Variants in JAK3 observed in about 807,000 individuals in gnomAD.
JAK3 encodes Janus kinase 3, also known as tyrosine-protein kinase JAK3.
JAK3 carries 88 observed loss-of-function variants against 120.8 expected under a neutral mutation model. That is an observed-to-expected ratio of 0.73 (90% confidence interval 0.61 to 0.87). The LOEUF is 0.87. Among genes scored for constraint, JAK3 ranks in the 40% least tolerant of loss-of-function variants. The pLI, the probability that JAK3 is intolerant of heterozygous loss-of-function variation, is 0.00. For synonymous variants in JAK3, 592 were observed against 628.6 expected, an observed-to-expected ratio of 0.94 and a Z score of 0.87; for missense variants, 1,254 against 1,501.4, an observed-to-expected ratio of 0.84 and a Z score of 2.72.
chr19:17,836,647 A>T, intron 13 of JAK3: 1 of 400,284 alleles, frequency 2.5e-6, no homozygotes, highest in South Asian at 2.6e-5. Flanking sequence ...CCTAATCCAC[A>T]CTTGTCCTTA....
Position 17,842,623 on chromosome 19 carries a change from G to A in JAK3, c.567-13C>T, listed in dbSNP as rs1276328553. On this transcript the variant is annotated splice_polypyrimidine_tract_variant and intron_variant, in intron 5 of 23. Transcript: ENST00000458235. The surrounding 1 kb of genome is among the most constrained non-coding windows in gnomAD (Gnocchi z 6.4). ...GCAGGCCTTGTAGCTGCAGGGGTTG[G>A]AGGGGAGGGAGCCGGCCCTCAGCGT... The A allele has an allele frequency of 6.4e-7, 1 of 1,553,034 alleles. No homozygotes were observed. The highest frequency in any genetic ancestry group is 2.3e-5 in the East Asian group (1 of 42,614).
chr19:17,845,751 GA>G (rs962270056), intron 1 of JAK3, among the ~76,000 whole-genome samples: 4 of 151,730 alleles, frequency 2.6e-5, no homozygotes, highest in Admixed American at 1.3e-4. Flanking sequence ...CTTATCTCTA[GA>G]AAAAAAACAC....
chr19:17,834,581 G>A lies in JAK3; in HGVS notation c.2340C>T (p.Leu780=), dbSNP rs201062516. The change falls in exon 17 of 24, where the codon CTC becomes CTT. Residue 780 remains leucine, a synonymous_variant. Transcript: ENST00000458235. ...FRAVIRDLNS[L]ISSDYELLSD... is the part of the protein sequence containing the mutation. The stretch of plus-strand genomic sequence containing the variant: ...CGTCCCAGCGGGCACCTGAAGAGAT[G>A]AGGCTATTGAGGTCACGAATGACGG... 5 of 1,352,820 alleles carry A rather than the reference G, an allele frequency of 3.7e-6. No individual in the cohort carries two copies. Among genetic ancestry groups the A allele is most frequent in the Non-Finnish European group, 5.1e-6 (5 of 978,988 alleles). The allele number at this position is 1,352,820 out of a possible 1,614,324, so 83.8% of individuals were successfully genotyped here.
chr19:17,841,755 T>A lies in JAK3; in HGVS notation c.869A>T (p.Gln290Leu). Residue 290 changes from glutamine (Q) to leucine (L), a missense_variant, in exon 7 of 24, where the codon CAG (glutamine) becomes CTG (leucine). Gln to Leu is a moderately radical substitution (Grantham distance 113). This residue lies in a region of JAK3 where 486 missense variants were observed against 503.0 expected (regional missense o/e 0.97). Coordinates refer to ENST00000458235, the MANE Select transcript of JAK3 (RefSeq NM_000215.4). This position sits in a 1 kb window ranked among gnomAD's most constrained non-coding sequence, Gnocchi z 4.1. Reference sequence around the variant, plus strand: ...GATTTCTGGAAAGTCGCAGAAGGGCTGGAGGACCTGGGAAGGAGGGGGAGT... The same window carrying A: ...GATTTCTGGAAAGTCGCAGAAGGGCAGGAGGACCTGGGAAGGAGGGGGAGT... ...AWTQGEQEVL[Q>L]PFCDFPEIVD... is the part of the protein sequence containing the mutation. The A allele has an allele frequency of 1.2e-6, 2 of 1,605,798 alleles. No individual in the cohort carries two copies. The highest frequency in any genetic ancestry group is 1.7e-6 in the Non-Finnish European group (2 of 1,179,888).
At chr19:17,827,886 G>A (rs1040633894) in intron 23 of JAK3, among the ~76,000 whole-genome samples, 26 of 144,590 alleles carry the variant, frequency 1.8e-4, no homozygotes, top group African/African-American at 6.7e-4. Flanking sequence ...TGGCCAACAA[G>A]AGCAAAACCA....
Position 17,826,570 on chromosome 19 carries a change from A to T in JAK3, c.*173T>A, listed in dbSNP as rs2094204265. ...TGTCTTGAACCTTAACAAATTGCAA[A>T]GGCCACAGGCTATTCTACAGGCCAC... On this transcript the variant is annotated 3_prime_UTR_variant, in exon 24 of 24. Transcript: ENST00000458235. 1.4e-6 allele frequency: 1 copy of T among 711,782 alleles called. No individual in the cohort carries two copies. Among genetic ancestry groups the T allele is most frequent in the Middle Eastern group, 3.4e-4 (1 of 2,918 alleles). 44.1% of individuals were successfully genotyped at this position (711,782 alleles called of 1,614,324 possible). A position where few individuals can be genotyped will look rare whatever the true frequency, so the allele number is the denominator to read the frequency against.
rs373917722 is a variant in JAK3 at position 17,825,705 on chromosome 19, T to C, written c.*1038A>G. On this transcript the variant is annotated 3_prime_UTR_variant, in exon 24 of 24. Coordinates refer to ENST00000458235, the MANE Select transcript of JAK3 (RefSeq NM_000215.4). Reference sequence around the variant, plus strand: ...TCACGAGGTCAGGAGATGGAAACCATCCTGGCTAACAAGGTGAAACCCCGT... The same window carrying C: ...TCACGAGGTCAGGAGATGGAAACCACCCTGGCTAACAAGGTGAAACCCCGT... The C allele has an allele frequency of 1.4e-3, 241 of 167,184 alleles. 4 individuals are homozygous for C. In the East Asian group the frequency reaches 0.022, roughly 15 times the overall value. The allele number at this position is 167,184 out of a possible 1,614,324, so 10.4% of individuals were successfully genotyped here. A position where few individuals can be genotyped will look rare whatever the true frequency, so the allele number is the denominator to read the frequency against.
rs1310660031 is a variant in JAK3 at position 17,825,621 on chromosome 19, G to T, written c.*1122C>A. ...ATCATACATTTAAAGCTACATGAGG[G>T]CCGGGCGCAGTGGCTCATGCCTGTA... is the stretch of plus-strand genomic sequence containing the variant. On this transcript the variant is annotated 3_prime_UTR_variant, in exon 24 of 24. Coordinates refer to ENST00000458235, the MANE Select transcript of JAK3 (RefSeq NM_000215.4). 1 of 181,790 alleles carries T rather than the reference G, an allele frequency of 5.5e-6. No homozygotes were observed. The highest frequency in any genetic ancestry group is 2.0e-4 in the South Asian group (1 of 5,050). The allele number at this position is 181,790 out of a possible 1,614,324, so 11.3% of individuals were successfully genotyped here. A position where few individuals can be genotyped will look rare whatever the true frequency, so the allele number is the denominator to read the frequency against.
intron 23 of JAK3, among the ~76,000 whole-genome samples, chr19:17,829,444 C>T (rs1371425010): frequency 6.6e-6 from 1 of 151,992 alleles, no homozygotes. Context: ...CAGGTGTGAG[C>T]CACCACACCT....
At position 17,841,190 on chromosome 19, in the gene JAK3, G is replaced by A. The variant is rs1034437731; in HGVS notation, c.1142+199C>T. On this transcript the variant is annotated intron_variant, in intron 8 of 23. Transcript: ENST00000458235. The surrounding 1 kb of genome is among the most constrained non-coding windows in gnomAD (Gnocchi z 4.1). ...TCCATCTCCAGGAAATGGCCCTGGG[G>A]TCAGAGAGAGAGAGAGTAGTGGTCG... 1.3e-5 allele frequency among the ~76,000 whole-genome samples: 2 copies of A among 152,168 alleles called. No homozygotes were observed. The highest frequency in any genetic ancestry group is 2.9e-5 in the Non-Finnish European group (2 of 68,032).
Position 17,831,794 on chromosome 19 carries a change from G to A in JAK3, c.2685C>T (p.Arg895=), listed in dbSNP as rs2147677156. 2 of 1,612,782 alleles carry A rather than the reference G, an allele frequency of 1.2e-6. No homozygotes were observed. The highest frequency in any genetic ancestry group is 1.7e-6 in the Non-Finnish European group (2 of 1,179,852). The change falls in exon 20 of 24, where the codon CGC becomes CGT. Residue 895 remains arginine (R), a synonymous_variant. Coordinates refer to ENST00000458235, the MANE Select transcript of JAK3 (RefSeq NM_000215.4). This position sits in a 1 kb window ranked among gnomAD's most constrained non-coding sequence, Gnocchi z 5.1. ...ACTCCATGACCAGCCGCAGGCTCTG[G>A]CGGCCTGGAGAAGGCAGGATCTGTC... is the stretch of plus-strand genomic sequence containing the variant. ...KYRGVSYGPG[R]QSLRLVMEYL...
At chr19:17,834,200 T>G (rs2094219643) in intron 17 of JAK3, among the ~76,000 whole-genome samples, 1 of 151,902 alleles carries the variant, frequency 6.6e-6, no homozygotes, top group South Asian at 2.1e-4. Flanking sequence ...ATACAAAAAT[T>G]AGCTGGGCGT....
chr19:17,834,998 T>C lies in JAK3; in HGVS notation c.2053A>G (p.Thr685Ala). The change falls in exon 16 of 24, where the codon ACC becomes GCC. Residue 685 changes from threonine to alanine, a missense_variant. By Grantham distance (58) the Thr-to-Ala change is moderately conservative. This residue lies in a region of JAK3 where 630 missense variants were observed against 819.8 expected (regional missense o/e 0.77). Coordinates refer to ENST00000458235, the MANE Select transcript of JAK3 (RefSeq NM_000215.4). ...SPAVLSLEMLTDRIPWVAPEC... is the reference protein window; with the variant it reads ...SPAVLSLEMLADRIPWVAPEC... The stretch of plus-strand genomic sequence containing the variant: ...GGGGCCACCCAGGGGATCCTGTCGG[T>C]GAGCACTGAGGGAATGAAAGTGGGA... 6.2e-7 allele frequency: 1 copy of C among 1,614,084 alleles called. No individual in the cohort carries two copies. Among genetic ancestry groups the C allele is most frequent in the South Asian group, 1.1e-5 (1 of 91,080 alleles).
Position 17,826,339 on chromosome 19 carries a change from C to T in JAK3, c.*404G>A, listed in dbSNP as rs200207634. 177 of 223,340 alleles carry T rather than the reference C, an allele frequency of 7.9e-4. No individual in the cohort carries two copies. The highest frequency in any genetic ancestry group is 3.6e-3 in the African/African-American group (158 of 43,826). 13.8% of individuals were successfully genotyped at this position (223,340 alleles called of 1,614,324 possible). A position where few individuals can be genotyped will look rare whatever the true frequency, so the allele number is the denominator to read the frequency against. Reference sequence around the variant, plus strand: ...AGCAGAGGTTGCACTGAGCCGAGATCGCACCACTGCACTCCACCCTGGGTA... The same window carrying T: ...AGCAGAGGTTGCACTGAGCCGAGATTGCACCACTGCACTCCACCCTGGGTA... On this transcript the variant is annotated 3_prime_UTR_variant, in exon 24 of 24. Transcript: ENST00000458235.
At position 17,843,640 on chromosome 19, in the gene JAK3, C is replaced by G; in HGVS notation, c.308+137G>C. 7.6e-7 allele frequency: 1 copy of G among 1,308,040 alleles called. No individual in the cohort carries two copies. Among genetic ancestry groups the G allele is most frequent in the Non-Finnish European group, 1.1e-6 (1 of 903,570 alleles). 81.0% of individuals were successfully genotyped at this position (1,308,040 alleles called of 1,614,324 possible). ...TTGCTGTGTGACCTTGGGCAAGTGA[C>G]CCACCCTCTCTGGTCTGTTTCCTCA... On this transcript the variant is annotated intron_variant, in intron 3 of 23. Transcript: ENST00000458235. The surrounding 1 kb of genome is among the most constrained non-coding windows in gnomAD (Gnocchi z 5.4).
intron 1 of JAK3, 91 bp from the exon 2 acceptor site, chr19:17,844,521 G>A (rs955960755): frequency 9.1e-5 from 106 of 1,167,956 alleles, no homozygotes; most frequent in East Asian, 5.7e-4. Context: ...GCTGGAGGCC[G>A]GGTGCGGTGG....
intron 17 of JAK3, 44 bp downstream of exon 17, chr19:17,834,527 T>C: frequency 1.2e-6 from 2 of 1,611,462 alleles, no homozygotes; most frequent in Non-Finnish European, 1.7e-6. Context: ...CTGGGCCCAA[T>C]ATGACATCAC....
At position 17,825,845 on chromosome 19, in the gene JAK3, G is replaced by T; in HGVS notation, c.*898C>A. The T allele has an allele frequency of 6.8e-6, 1 of 147,486 alleles. No individual in the cohort carries two copies. Among genetic ancestry groups the T allele is most frequent in the African/African-American group, 2.5e-5 (1 of 39,468 alleles). 9.1% of individuals were successfully genotyped at this position (147,486 alleles called of 1,614,324 possible). On this transcript the variant is annotated 3_prime_UTR_variant, in exon 24 of 24. Coordinates refer to ENST00000458235, the MANE Select transcript of JAK3 (RefSeq NM_000215.4). ...GAACCCAGGAGGCGGAGCTTGCAGT[G>T]AGCCTAGATTGCGCCACTGTACTCC...
In JAK3 at chr19:17,826,396, T is replaced by A. The variant is rs2094203946; in HGVS notation, c.*347A>T. The A allele has an allele frequency of 6.5e-6, 2 of 305,988 alleles. No individual in the cohort carries two copies. The highest frequency in any genetic ancestry group is 5.0e-5 in the East Asian group (1 of 20,134). 19.0% of individuals were successfully genotyped at this position (305,988 alleles called of 1,614,324 possible). ...CGAGGCTCTGTCTCAAAAATAAAAA[T>A]AAAAATAAAAAAAATAAAAAGAGAG... On this transcript the variant is annotated 3_prime_UTR_variant, in exon 24 of 24. Transcript: ENST00000458235.
Sources: gnomAD v4.1 joint callset for allele counts (sites outside exome capture counted in the v4.1 genomes callset) on GRCh38, gnomAD v4.1.1 for gene constraint, gnomAD v4.1.1 regional missense constraint, Gnocchi (gnomAD v3.1) non-coding constraint, MANE v1.5 for transcripts, NCBI Gene and HGNC (gene_info 2026-07-23, HGNC 2026-07-21) for gene names.